Variants in VWA5B1 observed in about 807,000 individuals in gnomAD.
VWA5B1 encodes the protein von Willebrand factor A domain-containing protein 5B1.
A neutral mutation model predicts 118.2 loss-of-function variants in VWA5B1; 115 were observed. The ratio of observed to expected loss-of-function variants is 0.97; its 90% CI spans 0.84 to 1.14. VWA5B1 has a LOEUF of 1.14. Among genes scored for constraint, VWA5B1 ranks in the 50% most tolerant of loss-of-function variants. The pLI is 0.00. For missense variants in VWA5B1, 1,596 were observed against 1,603.8 expected (o/e 1.00, Z 0.08); for synonymous variants, 682 against 658.4 (o/e 1.04, Z -0.55).
intron 14 of VWA5B1, chr1:20,338,197 C>T (rs1385442254): frequency 1.2e-5 from 5 of 422,760 alleles, no homozygotes; most frequent in African/African-American, 8.0e-5. Flanking sequence ...GGGCACTTAT[C>T]CAAGGTCACA....
rs182324029 is a variant in VWA5B1 at position 20,337,648 on chromosome 1, C to A, written c.1945C>A (p.Leu649Met). The change falls in exon 14 of 22, where the codon CTG becomes ATG. Residue 649 changes from leucine (L) to methionine (M), a missense_variant and splice_region_variant. By Grantham distance (15) the Leu-to-Met change is conservative (BLOSUM62 2). Transcript: ENST00000289815. ...TCCCCATCACTATCCCTGTCCAGAT[C>A]TGAACCTCTCTCAGCGACGGAGGGC... is the stretch of plus-strand genomic sequence containing the variant. The part of the protein sequence containing the change: ...ASGDSTTKHD[L>M]NLSQRRRAYS... 2.8e-5 allele frequency: 43 copies of A among 1,551,110 alleles called. No homozygotes were observed. In the African/African-American group the frequency reaches 4.1e-4, roughly 15 times the overall value.
chr1:20,319,457 G>T lies in VWA5B1; in HGVS notation c.917G>T (p.Arg306Ile). 1.9e-6 allele frequency: 3 copies of T among 1,551,812 alleles called. No homozygotes were observed. The highest frequency in any genetic ancestry group is 1.7e-6 in the Non-Finnish European group (2 of 1,147,022). Residue 306 changes from arginine (R) to isoleucine (I), a missense_variant, in exon 7 of 22, where the codon AGA (arginine) becomes ATA (isoleucine). Arg to Ile is a moderately conservative substitution (Grantham distance 97). Transcript: ENST00000289815. ...LGEFDQHLKG[R>I]TDFIKGMKKK... is the part of the protein sequence containing the mutation. ...GAGTTTGACCAGCACTTGAAGGGAA[G>T]AACAGATTTCATTAAAGGGATGAAG...
At chr1:20,297,480 T>G (rs1490373613) in intron 1 of VWA5B1, among the ~76,000 whole-genome samples, 1 of 152,218 alleles carries the variant, frequency 6.6e-6, no homozygotes, top group Non-Finnish European at 1.5e-5. Context: ...TCAAGGAAGC[T>G]GGGAGCTGCA....
intron 17 of VWA5B1, among the ~76,000 whole-genome samples, chr1:20,346,493 A>C (rs1175967411): frequency 1.3e-5 from 2 of 152,224 alleles, no homozygotes; most frequent in African/African-American, 4.8e-5. Context: ...ATCTTTGTGC[A>C]TCTGTCTGGT....
At position 20,341,356 on chromosome 1, in the gene VWA5B1, G is replaced by A. The variant is rs375163838; in HGVS notation, c.2134-1076G>A. 5.3e-5 allele frequency among the ~76,000 whole-genome samples: 8 copies of A among 152,300 alleles called. No homozygotes were observed. The East Asian group carries it at 5.8e-4, about 11-fold the overall frequency. ...GAATTACCAGACCAAAGGGGCTTGC[G>A]CATTTTAATTGATAGCACATTGCTA... On this transcript the variant is annotated intron_variant, in intron 14 of 21. Transcript: ENST00000289815.
At chr1:20,353,702 T>C in intron 21 of VWA5B1, 55 bp from the exon 22 acceptor site, 2 of 1,441,264 alleles carry the variant, frequency 1.4e-6, no homozygotes, top group South Asian at 1.5e-5. Flanking sequence ...GCATGGCCTA[T>C]GGCTCCCTGG....
At chr1:20,323,759 C>T (rs2089294109) in intron 8 of VWA5B1, among the ~76,000 whole-genome samples, 1 of 152,224 alleles carries the variant, frequency 6.6e-6, no homozygotes, top group Non-Finnish European at 1.5e-5. Flanking sequence ...CCGTAGCTGT[C>T]CTTTGCATTC....
At chr1:20,314,687 G>A (rs1253167031) in intron 4 of VWA5B1, 95 bp downstream of exon 4, 21 of 1,481,618 alleles carry the variant, frequency 1.4e-5, no homozygotes, top group South Asian at 4.2e-5. Flanking sequence ...GGGGAGACAG[G>A]GAGGAGATGG....
At chr1:20,303,880 C>A (rs1422949155) in intron 1 of VWA5B1, among the ~76,000 whole-genome samples, 2 of 152,216 alleles carry the variant, frequency 1.3e-5, no homozygotes, top group Non-Finnish European at 2.9e-5. Flanking sequence ...TCAGCACGAA[C>A]TGGGAAGCAG....
chr1:20,305,617 T>C (rs910583889), intron 1 of VWA5B1, among the ~76,000 whole-genome samples: 6 of 151,952 alleles, frequency 3.9e-5, no homozygotes, highest in African/African-American at 1.5e-4. Flanking sequence ...CTGGGGGAGT[T>C]TGCTGGCCAT....
chr1:20,291,359 T>TTC (rs67596546), intron 1 of VWA5B1, among the ~76,000 whole-genome samples: 6,915 of 103,254 alleles, frequency 0.067, 268 homozygotes, highest in African/African-American at 0.11. Flanking sequence ...CTTTCTTTCT[T>TTC]TCTCTCTCTC....
chr1:20,353,914 A>C lies in VWA5B1; in HGVS notation c.3299A>C (p.Gln1100Pro). ...RPSESKTPSP[Q>P]LCTSSPPRHP... ...TCTGAGTCCAAGACCCCGAGTCCCCAGCTGTGCACCAGCTCCCCGCCTAGG... is the reference window on the plus strand; with the variant it reads ...TCTGAGTCCAAGACCCCGAGTCCCCCGCTGTGCACCAGCTCCCCGCCTAGG... The change falls in exon 22 of 22, where the codon CAG becomes CCG. Residue 1100 changes from glutamine (Q) to proline (P), a missense_variant. Physicochemically the swap from Gln to Pro is moderately conservative, Grantham distance 76. Transcript: ENST00000289815. 6.5e-7 allele frequency: 1 copy of C among 1,549,228 alleles called. No individual in the cohort carries two copies. The highest frequency in any genetic ancestry group is 1.2e-5 in the South Asian group (1 of 83,600).
At chr1:20,299,191 G>A (rs2088460083) in intron 1 of VWA5B1, among the ~76,000 whole-genome samples, 1 of 152,096 alleles carries the variant, frequency 6.6e-6, no homozygotes, top group African/African-American at 2.4e-5. Context: ...CTTAAACCTG[G>A]TTGGCAATGG....
At chr1:20,351,826 G>T (rs1297456951) in intron 20 of VWA5B1, among the ~76,000 whole-genome samples, 1 of 152,082 alleles carries the variant, frequency 6.6e-6, no homozygotes, top group Non-Finnish European at 1.5e-5. Context: ...ACAAAAGAGG[G>T]TCATCAGGAG....
Position 20,357,127 on chromosome 1 carries a change from G to A in VWA5B1, c.*2864G>A, listed in dbSNP as rs751661157. 3.9e-5 allele frequency among the ~76,000 whole-genome samples: 6 copies of A among 152,134 alleles called. No individual in the cohort carries two copies. Among genetic ancestry groups the A allele is most frequent in the South Asian group, 2.1e-4 (1 of 4,834 alleles). On this transcript the variant is annotated 3_prime_UTR_variant, in exon 22 of 22. Coordinates refer to ENST00000289815, the MANE Select transcript of VWA5B1 (RefSeq NM_001039500.3). ...GTCTGAAGAAAGGGCTAATGCCACC[G>A]TAAGACAAAGCCCAGCCTCCAAGCT...
chr1:20,311,972 C>A (rs929247491), intron 2 of VWA5B1, among the ~76,000 whole-genome samples: 1 of 152,182 alleles, frequency 6.6e-6, no homozygotes, highest in Non-Finnish European at 1.5e-5. Context: ...TGGCTTTCCA[C>A]GTGCAGAAGG....
chr1:20,306,951 T>C (rs745990175), intron 1 of VWA5B1, among the ~76,000 whole-genome samples: 26 of 152,086 alleles, frequency 1.7e-4, no homozygotes, highest in Non-Finnish European at 2.8e-4. Context: ...TTTCTTGCCC[T>C]CCCCAGTCCT....
chr1:20,308,324 G>A (rs1257961774), intron 1 of VWA5B1, among the ~76,000 whole-genome samples: 1 of 152,238 alleles, frequency 6.6e-6, no homozygotes, highest in Non-Finnish European at 1.5e-5. Context: ...CAGGGACAGT[G>A]TGGGCAGATT....
chr1:20,295,652 G>A (rs1038584328), intron 1 of VWA5B1, among the ~76,000 whole-genome samples: 1 of 152,124 alleles, frequency 6.6e-6, no homozygotes, highest in Non-Finnish European at 1.5e-5. Flanking sequence ...TCCTTCCCTG[G>A]GTGCCACTGT....
Sources: allele counts gnomAD v4.1 joint callset (sites outside exome capture counted in the v4.1 genomes callset), GRCh38; gene constraint gnomAD v4.1.1; transcripts MANE v1.5; gene names NCBI Gene and HGNC (gene_info 2026-07-23, HGNC 2026-07-21).